MTHFD1L: variants seen among roughly 807,000 people sequenced by gnomAD.
MTHFD1L encodes the protein monofunctional C1-tetrahydrofolate synthase, mitochondrial.
MTHFD1L carries 81 observed loss-of-function variants against 119.5 expected under a neutral mutation model. That is an observed-to-expected ratio of 0.68 (90% CI 0.57 to 0.82). The LOEUF (loss-of-function observed/expected upper bound fraction) is 0.82, where lower values mean the gene tolerates loss of function less well. MTHFD1L is among the 40% of genes least tolerant of loss of function. The pLI is 0.00. For missense variants in MTHFD1L, 1,125 were observed against 1,253.4 expected, an observed-to-expected ratio of 0.90 and a Z score of 1.55; for synonymous variants, 430 against 475.2, an observed-to-expected ratio of 0.90 and a Z score of 1.24.
rs776144453 is a variant in MTHFD1L at position 150,956,012 on chromosome 6, C to T, written c.1744C>T (p.Arg582Ter). 8.7e-6 allele frequency: 14 copies of T among 1,613,970 alleles called. No individual in the cohort carries two copies. The highest frequency in any genetic ancestry group is 1.1e-5 in the Non-Finnish European group (13 of 1,179,888). ...TCTTTCAGTATTGGATACAAATGAC[C>T]GATTTCTACGAAAAATAACCATCGG... ...TWQRVLDTND[R>*]FLRKITIGQG... The change falls in exon 17 of 28, where the codon CGA (arginine) becomes TGA (stop). Residue 582 changes from arginine to a stop codon, truncating the protein, a stop_gained. Transcript: ENST00000367321. LOFTEE classifies it high-confidence loss of function.
At chr6:150,975,247 A>G (rs1416347393) in intron 20 of MTHFD1L, among the ~76,000 whole-genome samples, 1 of 152,244 alleles carries the variant, frequency 6.6e-6, no homozygotes, top group Non-Finnish European at 1.5e-5. Context: ...AATGACTTAT[A>G]TTCACAAATA....
At chr6:151,074,737 C>T (rs1038440180) in intron 26 of MTHFD1L, among the ~76,000 whole-genome samples, 5 of 152,272 alleles carry the variant, frequency 3.3e-5, no homozygotes, top group African/African-American at 1.2e-4. Flanking sequence ...CTGTTACAGC[C>T]ACCTACTGTA....
intron 21 of MTHFD1L, among the ~76,000 whole-genome samples, chr6:151,013,394 C>T (rs117097664): frequency 2.9e-4 from 44 of 152,090 alleles, no homozygotes; most frequent in Non-Finnish European, 5.7e-4. Flanking sequence ...AAAATGATTT[C>T]GAATGGTGAT....
chr6:150,926,252 A>G lies in MTHFD1L; in HGVS notation c.1213A>G (p.Arg405Gly). 6.2e-7 allele frequency: 1 copy of G among 1,613,920 alleles called. No homozygotes were observed. Among genetic ancestry groups the G allele is most frequent in the Non-Finnish European group, 8.5e-7 (1 of 1,179,850 alleles). ...CAAAGTACGTTTGTCCGTGCTAGAAAGGTTAAAGGATCAAGCAGATGGAAA... is the reference window on the plus strand; with the variant it reads ...CAAAGTACGTTTGTCCGTGCTAGAAGGGTTAAAGGATCAAGCAGATGGAAA... ...KAKVRLSVLE[R>G]LKDQADGKYV... is the part of the protein sequence containing the mutation. The change falls in exon 11 of 28, where the codon AGG (arginine) becomes GGG (glycine). Residue 405 changes from arginine to glycine, a missense_variant. By Grantham distance (125) the Arg-to-Gly change is moderately radical. Transcript: ENST00000367321. The surrounding 1 kb of genome is among the most constrained non-coding windows in gnomAD (Gnocchi z 4.3).
chr6:150,952,031 G>T (rs543239511), intron 16 of MTHFD1L, among the ~76,000 whole-genome samples: 18 of 152,288 alleles, frequency 1.2e-4, no homozygotes, highest in Admixed American at 9.2e-4. Context: ...GAAGAGAAAG[G>T]CTACATCATC....
chr6:150,978,411 T>C (rs1776952365), intron 20 of MTHFD1L, among the ~76,000 whole-genome samples: 1 of 152,340 alleles, frequency 6.6e-6, no homozygotes, highest in Non-Finnish European at 1.5e-5. Flanking sequence ...CTCTGCTGCT[T>C]GCTCTCTGTA....
intron 24 of MTHFD1L, among the ~76,000 whole-genome samples, chr6:151,032,479 C>T (rs1408857033): frequency 1.3e-5 from 2 of 152,086 alleles, no homozygotes; most frequent in Admixed American, 6.5e-5. Context: ...GATCCGCCCC[C>T]GTGATCCAAA....
intron 8 of MTHFD1L, among the ~76,000 whole-genome samples, chr6:150,915,694 G>A (rs1366900957): frequency 8.5e-5 from 13 of 152,236 alleles, no homozygotes; most frequent in South Asian, 6.2e-4. Context: ...TCTGGGTCCC[G>A]AGGTCAAGCA....
intron 26 of MTHFD1L, among the ~76,000 whole-genome samples, chr6:151,071,223 TAGAA>T (rs36036648): frequency 0.24 from 36,603 of 151,824 alleles, 4,482 homozygotes; most frequent in South Asian, 0.32. Flanking sequence ...GTGATGGAGA[TAGAA>T]AGAGGGAGAA....
intron 20 of MTHFD1L, among the ~76,000 whole-genome samples, chr6:151,008,298 T>G (rs1298831425): frequency 6.6e-6 from 1 of 152,228 alleles, no homozygotes; most frequent in Non-Finnish European, 1.5e-5. Context: ...TCTTAGTTAA[T>G]TTTTCTCCCG....
chr6:150,997,001 C>T (rs1294071004), intron 20 of MTHFD1L, among the ~76,000 whole-genome samples: 1 of 152,192 alleles, frequency 6.6e-6, no homozygotes, highest in Non-Finnish European at 1.5e-5. Flanking sequence ...CCCAGACTCA[C>T]TACCTCAGGG....
chr6:150,949,163 A>T, intron 16 of MTHFD1L, 30 bp downstream of exon 16: 1 of 1,580,006 alleles, frequency 6.3e-7, no homozygotes, highest in Non-Finnish European at 8.7e-7. Flanking sequence ...CAGCAGGCTG[A>T]TGGCCAGGTG....
chr6:150,942,379 G>T (rs1247832979), intron 13 of MTHFD1L, among the ~76,000 whole-genome samples: 1 of 152,150 alleles, frequency 6.6e-6, no homozygotes, highest in Admixed American at 6.6e-5. Context: ...AATTGAAATG[G>T]ACTCCCACAC....
intron 24 of MTHFD1L, among the ~76,000 whole-genome samples, chr6:151,027,332 A>G (rs1314664918): frequency 3.3e-5 from 5 of 152,158 alleles, no homozygotes; most frequent in African/African-American, 1.2e-4. Flanking sequence ...CTTGGTACAC[A>G]AAGTCCCTGA....
In MTHFD1L at chr6:150,876,181, C is replaced by T. The variant is rs149659037; in HGVS notation, c.312+7C>T. 4.4e-6 allele frequency: 7 copies of T among 1,573,286 alleles called. No individual in the cohort carries two copies. In the East Asian group the frequency reaches 6.8e-5, roughly 15 times the overall value. ...GGTTCTTGCAATTATCCAGGTAAGC[C>T]GAGAACAAGGTTCAGTCCTACTATT... is the stretch of plus-strand genomic sequence containing the variant. On this transcript the variant is annotated splice_region_variant and intron_variant, in intron 2 of 27. Transcript: ENST00000367321.
chr6:150,882,633 C>A (rs966188377), intron 4 of MTHFD1L, 129 bp from the exon 5 acceptor site: 6 of 657,320 alleles, frequency 9.1e-6, no homozygotes, highest in Non-Finnish European at 1.4e-5. Flanking sequence ...AAGTTTCCAA[C>A]AAGGAGCAAA....
At chr6:150,889,176 C>CAAAAAA (rs57228842) in intron 7 of MTHFD1L, among the ~76,000 whole-genome samples, 3 of 146,456 alleles carry the variant, frequency 2.0e-5, no homozygotes, top group South Asian at 2.2e-4. Context: ...GACTCCGTCT[C>CAAAAAA]AAAAAAAAAA....
intron 26 of MTHFD1L, chr6:151,088,232 A>C (rs1345236936): frequency 6.6e-6 from 1 of 152,174 alleles, no homozygotes; most frequent in Non-Finnish European, 1.5e-5. Context: ...GTATATCTGC[A>C]GGTCAGGGAG....
chr6:151,081,421 G>A (rs552589393), intron 26 of MTHFD1L, among the ~76,000 whole-genome samples: 226 of 151,988 alleles, frequency 1.5e-3, no homozygotes, highest in Admixed American at 4.0e-3. Context: ...GGGAGGCTGC[G>A]GTGCGCAGAT....
Sources: allele counts gnomAD v4.1 joint callset (sites outside exome capture counted in the v4.1 genomes callset), GRCh38; gene constraint gnomAD v4.1.1; non-coding constraint Gnocchi (gnomAD v3.1); transcripts MANE v1.5; gene names NCBI Gene and HGNC (gene_info 2026-07-23, HGNC 2026-07-21).